The following DLGAP2 variants were observed in gnomAD, a reference collection of about 807,000 sequenced individuals.
The protein encoded by DLGAP2 is DLG associated protein 2.
Under a neutral mutation model 100.3 loss-of-function variants are expected in DLGAP2, and 26 were observed. The observed-to-expected ratio is 0.26, with a 90% CI of 0.19 to 0.36. The LOEUF (loss-of-function observed/expected upper bound fraction) is 0.36. DLGAP2 is among the 10% of genes least tolerant of loss of function. The pLI, the probability that DLGAP2 is intolerant of heterozygous loss-of-function variation, is 1.00. For missense variants in DLGAP2, 1,858 were observed against 1,453.2 expected (o/e 1.28, Z -4.53); for synonymous variants, 886 against 630.1 (o/e 1.41, Z -6.08).
At chr8:872,147 A>G (rs1228079621) in intron 1 of DLGAP2, among the ~76,000 whole-genome samples, 1 of 151,964 alleles carries the variant, frequency 6.6e-6, no homozygotes, top group Non-Finnish European at 1.5e-5. Flanking sequence ...CTTTCTTCTC[A>G]TTTTTCTCCA....
chr8:1,126,379 C>G (rs1351000277), intron 2 of DLGAP2, among the ~76,000 whole-genome samples: 1 of 151,390 alleles, frequency 6.6e-6, no homozygotes, highest in Non-Finnish European at 1.5e-5. Flanking sequence ...AGAAGAGACA[C>G]AGGCAGATGA....
chr8:1,229,312 CT>C (rs1798485062), intron 2 of DLGAP2, among the ~76,000 whole-genome samples: 1 of 151,822 alleles, frequency 6.6e-6, no homozygotes. Context: ...GAATCAGCTC[CT>C]TTTTGTACGT....
At chr8:855,883 G>A (rs1486009610) in intron 1 of DLGAP2, among the ~76,000 whole-genome samples, 1 of 152,136 alleles carries the variant, frequency 6.6e-6, no homozygotes, top group African/African-American at 2.4e-5. Flanking sequence ...GTGAGCTAGG[G>A]ATGGGGGAGA....
chr8:1,282,840 G>A (rs1248057851), intron 3 of DLGAP2, among the ~76,000 whole-genome samples: 8 of 67,250 alleles, frequency 1.2e-4, no homozygotes, highest in Non-Finnish European at 2.1e-4. Flanking sequence ...AACCCAGCAC[G>A]TGAAGCATCC....
intron 6 of DLGAP2, among the ~76,000 whole-genome samples, chr8:1,613,896 A>T (rs1196669378): frequency 6.6e-6 from 1 of 152,202 alleles, no homozygotes; most frequent in Non-Finnish European, 1.5e-5. Context: ...AGCCTCAAAA[A>T]TGTTGAATGC....
At position 1,592,111 on chromosome 8, in the gene DLGAP2, G is replaced by C. The variant is rs540148680; in HGVS notation, c.1442+26217G>C. Among the ~76,000 whole-genome samples the C allele has an allele frequency of 4.9e-4, 74 of 152,250 alleles. 1 individual carries two copies. Among genetic ancestry groups the C allele is most frequent in the African/African-American group, 1.7e-3 (70 of 41,556 alleles). On this transcript the variant is annotated intron_variant, in intron 6 of 14. Transcript: ENST00000637795. ...TGGGCCCAGACACACAAACAGCTGC[G>C]ATGGGTGCAGAGCAAGGTGCCCCAG... is the stretch of plus-strand genomic sequence containing the variant.
At chr8:1,060,443 C>G (rs1330003866) in intron 2 of DLGAP2, among the ~76,000 whole-genome samples, 1 of 144,194 alleles carries the variant, frequency 6.9e-6, no homozygotes, top group African/African-American at 2.9e-5. Flanking sequence ...CTTGGTGATC[C>G]AGGCCCATGG....
chr8:1,368,755 C>G (rs1162515433), intron 3 of DLGAP2: 2 of 152,160 alleles, frequency 1.3e-5, no homozygotes, highest in African/African-American at 2.4e-5. Context: ...CTGCTGACTC[C>G]AGAAATACAG....
chr8:970,525 A>C (rs1184907894), intron 2 of DLGAP2, among the ~76,000 whole-genome samples: 2 of 152,262 alleles, frequency 1.3e-5, no homozygotes, highest in Non-Finnish European at 2.9e-5. Context: ...ATAGGAATAG[A>C]ACAGGCCTGT....
chr8:1,443,030 A>C (rs937659748), intron 3 of DLGAP2, among the ~76,000 whole-genome samples: 22 of 152,238 alleles, frequency 1.4e-4, no homozygotes, highest in African/African-American at 5.3e-4. Context: ...TCATTCTTTT[A>C]ACATTTAGTG....
rs904050345 is a variant in DLGAP2, at chr8:1,633,733, T to C, written c.1810+687T>C. Among the ~76,000 whole-genome samples the C allele has an allele frequency of 3.3e-5, 5 of 151,972 alleles. No homozygotes were observed. In the East Asian group the frequency reaches 9.6e-4, roughly 29 times the overall value. ...CAATAAAAGCTCGAGGCGCCGCACA[T>C]AGAGGTTAAGGAAAGGAGCTATAAA... is the stretch of plus-strand genomic sequence containing the variant. On this transcript the variant is annotated intron_variant, in intron 8 of 14. Coordinates refer to ENST00000637795, the MANE Select transcript of DLGAP2 (RefSeq NM_001346810.2).
chr8:772,098 G>C (rs1311830295), intron 1 of DLGAP2, among the ~76,000 whole-genome samples: 1 of 151,948 alleles, frequency 6.6e-6, no homozygotes, highest in Non-Finnish European at 1.5e-5. Flanking sequence ...ACAAGGTCTT[G>C]CTCTGTTGCC....
intron 3 of DLGAP2, among the ~76,000 whole-genome samples, chr8:1,285,064 C>T (rs964172104): frequency 3.9e-5 from 6 of 152,172 alleles, no homozygotes; most frequent in African/African-American, 1.4e-4. Context: ...CATGCCCATG[C>T]CATTTAACAG....
At chr8:1,355,761 G>T (rs1027583195) in intron 3 of DLGAP2, among the ~76,000 whole-genome samples, 1 of 152,078 alleles carries the variant, frequency 6.6e-6, no homozygotes, top group African/African-American at 2.4e-5. Flanking sequence ...GTGGACAAGT[G>T]CCCCACAGCT....
chr8:1,654,080 C>A lies in DLGAP2; in HGVS notation c.1811-14249C>A, dbSNP rs79548136. 4.1e-3 allele frequency among the ~76,000 whole-genome samples: 621 copies of A among 152,276 alleles called. 12 individuals are homozygous for A. The East Asian group carries it at 0.045, about 11-fold the overall frequency. The stretch of plus-strand genomic sequence containing the variant: ...TAAACTCTCATCATCAAATAAAATA[C>A]CACCTACAGAATTAGCCCTCCCTTG... On this transcript the variant is annotated intron_variant, in intron 8 of 14. Coordinates refer to ENST00000637795, the MANE Select transcript of DLGAP2 (RefSeq NM_001346810.2).
intron 3 of DLGAP2, among the ~76,000 whole-genome samples, chr8:1,479,991 T>A (rs1396988260): frequency 6.6e-6 from 1 of 152,188 alleles, no homozygotes; most frequent in African/African-American, 2.4e-5. Flanking sequence ...GATAAATGTT[T>A]TACATAGATT....
chr8:1,614,217 T>A (rs979044709), intron 6 of DLGAP2, among the ~76,000 whole-genome samples: 1 of 152,184 alleles, frequency 6.6e-6, no homozygotes, highest in Non-Finnish European at 1.5e-5. Flanking sequence ...AAATCAACTC[T>A]TCACAGGCAG....
intron 2 of DLGAP2, among the ~76,000 whole-genome samples, chr8:1,095,690 A>C (rs1320982767): frequency 1.3e-5 from 2 of 152,204 alleles, no homozygotes; most frequent in Non-Finnish European, 2.9e-5. Context: ...ATCAGGTCCC[A>C]GGCCAAAACA....
intron 3 of DLGAP2, among the ~76,000 whole-genome samples, chr8:1,344,683 C>G (rs938303567): frequency 6.6e-6 from 1 of 152,138 alleles, no homozygotes; most frequent in Non-Finnish European, 1.5e-5. Flanking sequence ...CTCAGTCTCC[C>G]GCGCTCCTCC....
Sources: gnomAD v4.1 joint callset for allele counts (sites outside exome capture counted in the v4.1 genomes callset) on GRCh38, gnomAD v4.1.1 for gene constraint, MANE v1.5 for transcripts, NCBI Gene and HGNC (gene_info 2026-07-23, HGNC 2026-07-21) for gene names.